Variants in TMTC1 observed in about 807,000 individuals in gnomAD.
TMTC1 encodes the protein protein O-mannosyl-transferase TMTC1.
In TMTC1, 73 loss-of-function variants were observed where a neutral mutation model predicts 104.8. The observed-to-expected ratio is 0.70, with a 90% CI of 0.58 to 0.85. The LOEUF is 0.85. Ranked by LOEUF, TMTC1 falls within the 40% of genes least tolerant of loss-of-function variation. The pLI is 0.00. For missense variants in TMTC1, 1,035 were observed against 1,096.1 expected, an observed-to-expected ratio of 0.94 and a Z score of 0.79; for synonymous variants, 434 against 428.7, an observed-to-expected ratio of 1.01 and a Z score of -0.15.
chr12:29,692,228 T>C (rs905539445), intron 5 of TMTC1, among the ~76,000 whole-genome samples: 1 of 145,622 alleles, frequency 6.9e-6, no homozygotes, highest in African/African-American at 2.5e-5. Flanking sequence ...CACATAATCA[T>C]ACCACTTTAT....
At chr12:29,570,747 G>A (rs567263722) in intron 9 of TMTC1, among the ~76,000 whole-genome samples, 60 of 152,284 alleles carry the variant, frequency 3.9e-4, no homozygotes, top group Admixed American at 7.2e-4. Flanking sequence ...GGGAGGCTGA[G>A]GCAGGAGAAT....
chr12:29,587,551 C>T (rs1160694756), intron 7 of TMTC1, among the ~76,000 whole-genome samples: 1 of 152,090 alleles, frequency 6.6e-6, no homozygotes, highest in Non-Finnish European at 1.5e-5. Context: ...CCAGGCTGGT[C>T]TTGAACTCTT....
At chr12:29,604,506 C>A (rs1226699618) in intron 6 of TMTC1, among the ~76,000 whole-genome samples, 1 of 152,194 alleles carries the variant, frequency 6.6e-6, no homozygotes, top group Non-Finnish European at 1.5e-5. Flanking sequence ...TGTACCCTGA[C>A]ACACATTTGC....
intron 2 of TMTC1, among the ~76,000 whole-genome samples, chr12:29,764,909 G>T (rs1280789793): frequency 1.3e-5 from 2 of 151,990 alleles, no homozygotes; most frequent in African/African-American, 2.4e-5. Context: ...ACTGCCACAG[G>T]CTGCCTGTGT....
intron 5 of TMTC1, among the ~76,000 whole-genome samples, chr12:29,656,727 A>T (rs975154091): frequency 3.3e-5 from 5 of 152,218 alleles, no homozygotes; most frequent in African/African-American, 4.8e-5. Flanking sequence ...TCACAGACAG[A>T]AAGTCCTGGA....
chr12:29,744,053 A>G (rs1041069949), intron 5 of TMTC1, among the ~76,000 whole-genome samples: 12 of 152,186 alleles, frequency 7.9e-5, no homozygotes, highest in African/African-American at 2.9e-4. Context: ...CTGTTGTGAC[A>G]GTGATGGAAT....
chr12:29,774,840 T>C (rs1343693884), intron 1 of TMTC1, among the ~76,000 whole-genome samples: 1 of 152,198 alleles, frequency 6.6e-6, no homozygotes, highest in Non-Finnish European at 1.5e-5. Context: ...CAAAATGATG[T>C]AGCTCCCAGG....
chr12:29,650,082 CTTTTCT>C (rs1939444212), intron 5 of TMTC1, among the ~76,000 whole-genome samples: 1 of 150,382 alleles, frequency 6.6e-6, no homozygotes, highest in Non-Finnish European at 1.5e-5. Context: ...TTTTTCTTTT[CTTTTCT>C]TTTTTTTTTT....
At chr12:29,529,350 G>GAA (rs1202701990) in intron 11 of TMTC1, among the ~76,000 whole-genome samples, 1 of 151,232 alleles carries the variant, frequency 6.6e-6, no homozygotes, top group African/African-American at 2.4e-5. Flanking sequence ...AGGGCCAATA[G>GAA]AAAAAAAAAT....
At chr12:29,633,402 C>A in intron 5 of TMTC1, 66 bp from the exon 6 acceptor site, 1 of 1,350,372 alleles carries the variant, frequency 7.4e-7, no homozygotes, top group South Asian at 1.5e-5. Context: ...AGCGTTCAGT[C>A]ACCATATTTT....
chr12:29,753,629 G>A (rs995575392), intron 4 of TMTC1, among the ~76,000 whole-genome samples: 7 of 152,370 alleles, frequency 4.6e-5, no homozygotes, highest in African/African-American at 1.2e-4. Flanking sequence ...CCAGGTCTCC[G>A]TGTTACATCC....
intron 5 of TMTC1, among the ~76,000 whole-genome samples, chr12:29,641,459 T>C (rs1938848305): frequency 6.6e-6 from 1 of 152,090 alleles, no homozygotes; most frequent in African/African-American, 2.4e-5. Flanking sequence ...GCCCAGTAGA[T>C]TCAATGGGTG....
intron 7 of TMTC1, among the ~76,000 whole-genome samples, chr12:29,600,092 A>G (rs1435198220): frequency 2.7e-5 from 4 of 146,592 alleles, no homozygotes; most frequent in Non-Finnish European, 6.0e-5. Context: ...GGATGGAAGG[A>G]GATTCATGAA....
intron 7 of TMTC1, among the ~76,000 whole-genome samples, chr12:29,598,313 T>C (rs557377680): frequency 6.6e-6 from 1 of 152,220 alleles, no homozygotes; most frequent in Non-Finnish European, 1.5e-5. Flanking sequence ...ACAGAGGCTG[T>C]GTAACTTCAG....
At chr12:29,627,911 G>A (rs1370490530) in intron 6 of TMTC1, among the ~76,000 whole-genome samples, 1 of 152,162 alleles carries the variant, frequency 6.6e-6, no homozygotes, top group African/African-American at 2.4e-5. Context: ...ATTCCCATGT[G>A]AAAGATGCCC....
At chr12:29,657,183 G>A (rs906169398) in intron 5 of TMTC1, among the ~76,000 whole-genome samples, 1 of 152,236 alleles carries the variant, frequency 6.6e-6, no homozygotes, top group Admixed American at 6.5e-5. Context: ...AAGAAGTCTT[G>A]GAATGAAATC....
intron 5 of TMTC1, among the ~76,000 whole-genome samples, chr12:29,634,460 C>T (rs1938450346): frequency 6.6e-6 from 1 of 152,058 alleles, no homozygotes; most frequent in South Asian, 2.1e-4. Context: ...TCTGACACTA[C>T]TGAAAACCCC....
intron 6 of TMTC1, among the ~76,000 whole-genome samples, chr12:29,604,840 T>C (rs1946655976): frequency 6.6e-6 from 1 of 152,226 alleles, no homozygotes; most frequent in Non-Finnish European, 1.5e-5. Flanking sequence ...AATTGAAGCA[T>C]ACCTTCACAC....
chr12:29,692,879 A>T (rs116819732), intron 5 of TMTC1, among the ~76,000 whole-genome samples: 2,108 of 144,904 alleles, frequency 0.015, 242 homozygotes, highest in African/African-American at 0.051. Context: ...ACTACATTAA[A>T]GAAGCCTGAC....
Sources: allele counts gnomAD v4.1 joint callset (sites outside exome capture counted in the v4.1 genomes callset), GRCh38; gene constraint gnomAD v4.1.1; transcripts MANE v1.5; gene names NCBI Gene and HGNC (gene_info 2026-07-23, HGNC 2026-07-21).